SFRP1: variants seen among roughly 807,000 people sequenced by gnomAD.
The protein encoded by SFRP1 is secreted frizzled related protein 1, also known as secreted frizzled-related protein 1.
A neutral mutation model predicts 25.9 loss-of-function variants in SFRP1; 9 were observed. The ratio of observed to expected loss-of-function variants is 0.35; its 90% CI spans 0.21 to 0.61. SFRP1 has a LOEUF of 0.61. Ranked by LOEUF, SFRP1 falls within the 20% of genes least tolerant of loss-of-function variation. SFRP1 has a pLI of 0.78. For synonymous variants in SFRP1, 178 were observed against 174.0 expected (o/e 1.02, Z -0.18); for missense variants, 346 against 418.2 (o/e 0.83, Z 1.51).
chr8:41,281,282 T>C (rs1281446043), intron 2 of SFRP1, among the ~76,000 whole-genome samples: 1 of 152,230 alleles, frequency 6.6e-6, no homozygotes, highest in East Asian at 1.9e-4. Context: ...ACCAGCAAGC[T>C]TTGCCCTGTT....
intron 2 of SFRP1, among the ~76,000 whole-genome samples, chr8:41,278,776 A>G (rs4236916): frequency 0.51 from 77,198 of 152,126 alleles, 20,764 homozygotes; most frequent in African/African-American, 0.7. Flanking sequence ...GCAGATCTTC[A>G]TGCCATCCCA....
chr8:41,301,349 C>A (rs1178729186), intron 2 of SFRP1, among the ~76,000 whole-genome samples: 1 of 152,116 alleles, frequency 6.6e-6, no homozygotes, highest in Non-Finnish European at 1.5e-5. Flanking sequence ...GCCTCACTTA[C>A]TTGAAGTGAG....
chr8:41,303,349 G>A, intron 2 of SFRP1, 112 bp downstream of exon 2: 2 of 787,168 alleles, frequency 2.5e-6, no homozygotes, highest in East Asian at 2.6e-5. Flanking sequence ...AGAGGAATGA[G>A]GTAGAGAATA....
intron 1 of SFRP1, chr8:41,306,867 T>C: frequency 1.3e-6 from 2 of 1,596,856 alleles, no homozygotes; most frequent in Non-Finnish European, 1.7e-6. Flanking sequence ...TCACAGCCTT[T>C]TGGGGGCTGG....
chr8:41,306,791 A>G, intron 1 of SFRP1: 2 of 1,598,216 alleles, frequency 1.3e-6, no homozygotes, highest in Non-Finnish European at 1.7e-6. Context: ...GGCGCCGACC[A>G]GTGGAACTGC....
chr8:41,299,499 TAAAAAAAAAAAAAAAA>T (rs576175856), intron 2 of SFRP1, among the ~76,000 whole-genome samples: 2 of 56,060 alleles, frequency 3.6e-5, no homozygotes, highest in African/African-American at 1.7e-4. Flanking sequence ...TTCTCCTTTA[TAAAAAAAAAAAAAAAA>T]AAAAAAAAAA....
chr8:41,308,577 G>C (rs1327547354), intron 1 of SFRP1, 39 bp downstream of exon 1: 2 of 1,492,410 alleles, frequency 1.3e-6, no homozygotes, highest in Non-Finnish European at 9.1e-7. Context: ...CCGGGGGATG[G>C]AGGGGGCGGC....
intron 2 of SFRP1, among the ~76,000 whole-genome samples, chr8:41,292,883 C>T (rs551056116): frequency 2.0e-5 from 3 of 152,336 alleles, no homozygotes; most frequent in African/African-American, 7.2e-5. Context: ...GACCCTGTAA[C>T]CAGAGAGGCT....
chr8:41,287,818 AG>A (rs1479051972), intron 2 of SFRP1, among the ~76,000 whole-genome samples: 2 of 152,206 alleles, frequency 1.3e-5, no homozygotes, highest in Admixed American at 1.3e-4. Context: ...AAATGCTTTG[AG>A]GGAAGGGACC....
intron 2 of SFRP1, among the ~76,000 whole-genome samples, chr8:41,302,915 T>C (rs1803943292): frequency 6.6e-6 from 1 of 151,994 alleles, no homozygotes; most frequent in African/African-American, 2.4e-5. Context: ...TGTCCATTTT[T>C]CTTTGCCTCG....
chr8:41,271,383 T>TAA (rs36088020), intron 2 of SFRP1: 2,119 of 149,530 alleles, frequency 0.014, 45 homozygotes, highest in African/African-American at 0.047. Flanking sequence ...CAGGGAGTAT[T>TAA]AAAAAAAAAA....
In SFRP1 at chr8:41,307,068, G is replaced by A. The variant is rs1008716246; in HGVS notation, c.544+1548C>T. 4.4e-6 allele frequency: 6 copies of A among 1,368,096 alleles called. No homozygotes were observed. In the Admixed American group the frequency reaches 1.8e-4, roughly 41 times the overall value. 84.7% of individuals were successfully genotyped at this position (1,368,096 alleles called of 1,614,324 possible). On this transcript the variant is annotated intron_variant, in intron 1 of 2. Coordinates refer to ENST00000220772, the MANE Select transcript of SFRP1 (RefSeq NM_003012.5). ...TCAGGGCTGGGCACAGCCTCACAGG[G>A]CAGGGCTGGGCTAATCCCCGCTGGC...
chr8:41,303,115 C>G (rs1257649444), intron 2 of SFRP1, among the ~76,000 whole-genome samples: 1 of 150,722 alleles, frequency 6.6e-6, no homozygotes, highest in African/African-American at 2.4e-5. Flanking sequence ...GACACAGTAG[C>G]AGGTGGCAAC....
intron 2 of SFRP1, among the ~76,000 whole-genome samples, chr8:41,286,719 C>A (rs1803710394): frequency 6.6e-6 from 1 of 152,186 alleles, no homozygotes; most frequent in African/African-American, 2.4e-5. Context: ...GGTCCACACA[C>A]GAGGTCGGGG....
intron 2 of SFRP1, among the ~76,000 whole-genome samples, chr8:41,295,396 G>A (rs1229044872): frequency 6.6e-6 from 1 of 152,048 alleles, no homozygotes. Context: ...GAGCATGGTG[G>A]TGGGCGCCTG....
chr8:41,265,164 G>A lies in SFRP1; in HGVS notation c.*3C>T. The stretch of plus-strand genomic sequence containing the variant: ...CTCCCTCCCCACCCTGCCCCCGGGA[G>A]AATCACTTAAACACGGACTGAAAGG... On this transcript the variant is annotated 3_prime_UTR_variant, in exon 3 of 3. Transcript: ENST00000220772. The A allele has an allele frequency of 1.4e-6, 2 of 1,459,176 alleles. No homozygotes were observed. Among genetic ancestry groups the A allele is most frequent in the Middle Eastern group, 2.0e-4 (1 of 5,078 alleles). 90.4% of individuals were successfully genotyped at this position (1,459,176 alleles called of 1,614,324 possible).
At position 41,299,499 on chromosome 8, in the gene SFRP1, TAAAAAAAAA is replaced by T. The variant is rs576175856; in HGVS notation, c.622+3953_622+3961del. Among the ~76,000 whole-genome samples the T allele has an allele frequency of 2.7e-4, 15 of 56,064 alleles. 1 individual carries two copies. Among genetic ancestry groups the T allele is most frequent in the African/African-American group, 7.7e-4 (9 of 11,724 alleles). The allele number at this position is 56,064 out of a possible 152,430, so 36.8% of individuals were successfully genotyped here. On this transcript the variant is annotated intron_variant, in intron 2 of 2. Coordinates refer to ENST00000220772, the MANE Select transcript of SFRP1 (RefSeq NM_003012.5). ...ACCTTGAAAAGAGCCTTCTCCTTTATAAAAAAAAAAAAAAAAAAAAAAAAAAAGAAGTCC... is the reference window on the plus strand; with the variant it reads ...ACCTTGAAAAGAGCCTTCTCCTTTATAAAAAAAAAAAAAAAAAAGAAGTCC...
chr8:41,276,816 C>T (rs943597166), intron 2 of SFRP1: 2 of 385,050 alleles, frequency 5.2e-6, no homozygotes, highest in African/African-American at 4.2e-5. Flanking sequence ...TTTCTGGACC[C>T]CAGACACCTC....
Position 41,265,126 on chromosome 8 carries a change from A to G in SFRP1, c.*41T>C, listed in dbSNP as rs771720934. 91 of 144,560 alleles carry G rather than the reference A, an allele frequency of 6.3e-4. No individual in the cohort carries two copies. Among genetic ancestry groups the G allele is most frequent in the South Asian group, 9.9e-4 (10 of 10,122 alleles). 9.0% of individuals were successfully genotyped at this position (144,560 alleles called of 1,614,324 possible). A position where few individuals can be genotyped will look rare whatever the true frequency, so the allele number is the denominator to read the frequency against. On this transcript the variant is annotated 3_prime_UTR_variant, in exon 3 of 3. Coordinates refer to ENST00000220772, the MANE Select transcript of SFRP1 (RefSeq NM_003012.5). ...CCGGGGCACTGTCCCCCCCGCTCCC[A>G]CCCCACCCGAGGCTCCCTCCCCACC...
Sources: gnomAD v4.1 joint callset for allele counts (sites outside exome capture counted in the v4.1 genomes callset) on GRCh38, gnomAD v4.1.1 for gene constraint, MANE v1.5 for transcripts, NCBI Gene and HGNC (gene_info 2026-07-23, HGNC 2026-07-21) for gene names.